The following CLYBL variants were observed in gnomAD, a reference collection of about 807,000 sequenced individuals.
CLYBL encodes citramalyl-CoA lyase.
In CLYBL, 31 loss-of-function variants were observed where a neutral mutation model predicts 38.9. The observed-to-expected ratio is 0.80, with a 90% CI of 0.60 to 1.08. The LOEUF (loss-of-function observed/expected upper bound fraction) is 1.08. Among genes scored for constraint, CLYBL ranks in the 50% least tolerant of loss-of-function variants. CLYBL has a pLI of 0.00. For missense variants in CLYBL, 434 were observed against 411.6 expected (o/e 1.05, Z -0.47); for synonymous variants, 171 against 158.6 (o/e 1.08, Z -0.59).
intron 2 of CLYBL, among the ~76,000 whole-genome samples, chr13:99,791,961 A>AGGG (rs2049926763): frequency 6.6e-6 from 1 of 152,182 alleles, no homozygotes; most frequent in South Asian, 2.1e-4. Flanking sequence ...CCTCAATGGT[A>AGGG]GACAAAGAAA....
chr13:99,617,555 A>G (rs2046731004), intron 1 of CLYBL, among the ~76,000 whole-genome samples: 1 of 152,234 alleles, frequency 6.6e-6, no homozygotes, highest in African/African-American at 2.4e-5. Flanking sequence ...CTGTTTTCGT[A>G]GTGAGGCACT....
intron 2 of CLYBL, among the ~76,000 whole-genome samples, chr13:99,829,833 C>T (rs1286210847): frequency 1.3e-5 from 2 of 152,138 alleles, no homozygotes; most frequent in East Asian, 1.9e-4. Context: ...ATCATTTACT[C>T]GCTTGAGTGT....
intron 1 of CLYBL, among the ~76,000 whole-genome samples, chr13:99,737,094 G>A (rs539668809): frequency 6.7e-6 from 1 of 148,396 alleles, no homozygotes; most frequent in South Asian, 2.1e-4. Context: ...TTTATATATA[G>A]CTTGTCTGAG....
At chr13:99,872,943 CT>C (rs5806140) in intron 7 of CLYBL, among the ~76,000 whole-genome samples, 53,632 of 147,278 alleles carry the variant, frequency 0.36, 11,303 homozygotes, top group African/African-American at 0.59. Flanking sequence ...CAATTCTGGA[CT>C]TTTTTTTTTT....
intron 2 of CLYBL, among the ~76,000 whole-genome samples, chr13:99,801,148 C>G (rs898148224): frequency 1.3e-5 from 2 of 152,146 alleles, no homozygotes; most frequent in African/African-American, 4.8e-5. Context: ...AGGTGCCCCC[C>G]CTCCACACGT....
chr13:99,770,831 C>A (rs191293561), intron 1 of CLYBL, among the ~76,000 whole-genome samples: 83 of 152,160 alleles, frequency 5.5e-4, no homozygotes, highest in African/African-American at 1.9e-3. Context: ...AAGCGATTCT[C>A]CTGCCTCAGC....
chr13:99,799,823 G>A (rs1276877625), intron 2 of CLYBL, among the ~76,000 whole-genome samples: 7 of 152,204 alleles, frequency 4.6e-5, no homozygotes, highest in African/African-American at 1.7e-4. Context: ...CTGGTTTTCT[G>A]GTACAGGTTA....
chr13:99,822,176 A>G (rs2050600871), intron 2 of CLYBL, among the ~76,000 whole-genome samples: 1 of 152,210 alleles, frequency 6.6e-6, no homozygotes, highest in Non-Finnish European at 1.5e-5. Flanking sequence ...GGGCCAATAT[A>G]CATTCTGACC....
downstream of CLYBL, chr13:99,893,019 A>C (rs752100042): frequency 2.0e-5 from 3 of 152,240 alleles, no homozygotes; most frequent in Non-Finnish European, 4.4e-5. Context: ...GAAGACACCA[A>C]CTCATTTCTC....
chr13:99,709,163 AAG>A (rs778634387), intron 1 of CLYBL, among the ~76,000 whole-genome samples: 10 of 152,202 alleles, frequency 6.6e-5, no homozygotes, highest in Non-Finnish European at 1.0e-4. Flanking sequence ...TCCTTAAAAA[AAG>A]AGAAAATTTG....
intron 2 of CLYBL, among the ~76,000 whole-genome samples, chr13:99,818,975 T>C (rs1231296201): frequency 1.3e-5 from 2 of 152,072 alleles, no homozygotes; most frequent in Non-Finnish European, 2.9e-5. Context: ...ATCCAACTTA[T>C]CAAGACAAAA....
chr13:99,832,567 T>C (rs1167689946), intron 2 of CLYBL, among the ~76,000 whole-genome samples: 1 of 152,176 alleles, frequency 6.6e-6, no homozygotes, highest in African/African-American at 2.4e-5. Flanking sequence ...TTTAAATTTA[T>C]GTAAAAACTG....
chr13:99,737,095 C>T (rs185492903), intron 1 of CLYBL, among the ~76,000 whole-genome samples: 3 of 152,166 alleles, frequency 2.0e-5, no homozygotes, highest in African/African-American at 7.2e-5. Flanking sequence ...TTATATATAG[C>T]TTGTCTGAGG....
chr13:99,773,078 A>AT, intron 2 of CLYBL, 68 bp downstream of exon 2: 1 of 1,301,620 alleles, frequency 7.7e-7, no homozygotes, highest in Non-Finnish European at 1.1e-6. Context: ...GAATAGTGAC[A>AT]TTGCCCGCTA....
At chr13:99,699,035 AT>A (rs199922075) in intron 1 of CLYBL, among the ~76,000 whole-genome samples, 13 of 150,564 alleles carry the variant, frequency 8.6e-5, no homozygotes, top group South Asian at 2.1e-4. Context: ...TCGGAGTAAG[AT>A]TTTTTTTTTC....
Position 99,606,770 on chromosome 13 carries a change from C to G in CLYBL, c.62+13C>G. ...CGCTGCTGAGGCTGTGAGTGCAGGT[C>G]CCCGTTCCCCGCCTTCCCGGCCCGG... On this transcript the variant is annotated intron_variant, in intron 1 of 8. Transcript: ENST00000339105. 2 of 1,414,286 alleles carry G rather than the reference C, an allele frequency of 1.4e-6. No homozygotes were observed. Among genetic ancestry groups the G allele is most frequent in the Non-Finnish European group, 1.8e-6 (2 of 1,087,068 alleles). The allele number at this position is 1,414,286 out of a possible 1,614,324, so 87.6% of individuals were successfully genotyped here. A position where few individuals can be genotyped will look rare whatever the true frequency, so the allele number is the denominator to read the frequency against.
chr13:99,841,830 T>TTC (rs1555316562), intron 2 of CLYBL, among the ~76,000 whole-genome samples: 2 of 143,166 alleles, frequency 1.4e-5, no homozygotes, highest in Non-Finnish European at 3.1e-5. Flanking sequence ...TTTTTTTTTT[T>TTC]TCTGAGACAG....
intron 1 of CLYBL, among the ~76,000 whole-genome samples, chr13:99,652,561 A>G (rs772367930): frequency 6.6e-6 from 1 of 152,204 alleles, no homozygotes; most frequent in Non-Finnish European, 1.5e-5. Context: ...AATAAAAAGC[A>G]GATATCCTGG....
chr13:99,858,782 A>G (rs766789304), intron 2 of CLYBL, 79 bp from the exon 3 acceptor site: 7 of 961,090 alleles, frequency 7.3e-6, no homozygotes, highest in Non-Finnish European at 1.1e-5. Context: ...CTGAATCCAC[A>G]TAACAGTTTC....
Sources: gnomAD v4.1 joint callset for allele counts (sites outside exome capture counted in the v4.1 genomes callset) on GRCh38, gnomAD v4.1.1 for gene constraint, MANE v1.5 for transcripts, NCBI Gene and HGNC (gene_info 2026-07-23, HGNC 2026-07-21) for gene names.